Variants in AFG2B observed in about 807,000 individuals in gnomAD.
AFG2B encodes the protein ATPase family gene 2 protein homolog B.
chr15:45,405,172 C>A, the AFG2B span: 2 of 664,754 alleles, frequency 3.0e-6, no homozygotes, highest in South Asian at 2.3e-5. Flanking sequence ...CATGAGCCAA[C>A]CTGTCTTCAT....
the AFG2B span, among the ~76,000 whole-genome samples, chr15:45,409,717 T>A: frequency 3.8e-4 from 57 of 151,886 alleles, no homozygotes; most frequent in African/African-American, 3.4e-4. Flanking sequence ...ATATATATAT[T>A]TTTTTAATTA....
chr15:45,414,119 G>C, the AFG2B span, among the ~76,000 whole-genome samples: 1 of 152,184 alleles, frequency 6.6e-6, no homozygotes, highest in Non-Finnish European at 1.5e-5. Context: ...CATAGAGAGT[G>C]AGTAGGAGGA....
At chr15:45,420,008 A>G in the AFG2B span, among the ~76,000 whole-genome samples, 20 of 149,658 alleles carry the variant, frequency 1.3e-4, no homozygotes, top group African/African-American at 4.9e-4. Flanking sequence ...AAAAAAAAAA[A>G]AAAAAACAAA....
At chr15:45,405,234 A>G in the AFG2B span, 1 of 1,312,570 alleles carries the variant, frequency 7.6e-7, no homozygotes, top group Non-Finnish European at 1.0e-6. Flanking sequence ...TCTGCTGTCT[A>G]CCTCCATCCA....
the AFG2B span, chr15:45,402,730 C>T: frequency 1.9e-6 from 3 of 1,565,402 alleles, no homozygotes; most frequent in Non-Finnish European, 8.6e-7. Context: ...TCGCCTCCTC[C>T]TAGTGCCCTG....
At chr15:45,402,879 G>T in the AFG2B span, 7 of 1,598,452 alleles carry the variant, frequency 4.4e-6, no homozygotes, top group Admixed American at 1.2e-4. Context: ...GCCACGTGGT[G>T]GTCGCTCCGC....
the AFG2B span, chr15:45,403,640 T>A: frequency 8.0e-7 from 1 of 1,254,226 alleles, no homozygotes; most frequent in African/African-American, 1.6e-5. Context: ...GAGTTGGGGC[T>A]CTTTGCAATG....
the AFG2B span, chr15:45,403,294 G>A: frequency 1.3e-6 from 2 of 1,589,232 alleles, no homozygotes; most frequent in Admixed American, 3.5e-5. Context: ...CTTCCAGCGC[G>A]CCCGGGAACT....
the AFG2B span, chr15:45,415,855 T>C: frequency 7.6e-7 from 1 of 1,318,864 alleles, no homozygotes; most frequent in Non-Finnish European, 1.1e-6. Context: ...CAACATTAAA[T>C]ATAATGCATA....
the AFG2B span, chr15:45,403,178 T>C: frequency 1.4e-6 from 2 of 1,458,272 alleles, no homozygotes; most frequent in South Asian, 2.8e-5. Flanking sequence ...AAGACCCAGC[T>C]GGTGCGGGCC....
At chr15:45,406,079 G>A in the AFG2B span, among the ~76,000 whole-genome samples, 2 of 152,158 alleles carry the variant, frequency 1.3e-5, no homozygotes, top group Non-Finnish European at 2.9e-5. Context: ...TGATGATCAA[G>A]CTGAGAAAAT....
At chr15:45,414,975 G>A in the AFG2B span, among the ~76,000 whole-genome samples, 1 of 151,942 alleles carries the variant, frequency 6.6e-6, no homozygotes. Flanking sequence ...TAACATTTTG[G>A]TGAATTTCCT....
chr15:45,405,681 G>T, the AFG2B span, among the ~76,000 whole-genome samples: 1 of 152,160 alleles, frequency 6.6e-6, no homozygotes, highest in Non-Finnish European at 1.5e-5. Flanking sequence ...TGAGGGTGGG[G>T]ATAAAGGGCT....
chr15:45,403,047 G>C, the AFG2B span: 1 of 1,557,954 alleles, frequency 6.4e-7, no homozygotes, highest in South Asian at 1.2e-5. Context: ...GAGGTCTTTC[G>C]GAGGCGGCCG....
chr15:45,412,884 C>T, the AFG2B span, among the ~76,000 whole-genome samples: 3 of 152,062 alleles, frequency 2.0e-5, no homozygotes, highest in East Asian at 1.9e-4. Flanking sequence ...TTTGCCAATT[C>T]GCCTACATGT....
the AFG2B span, among the ~76,000 whole-genome samples, chr15:45,404,960 A>G: frequency 2.0e-5 from 3 of 152,176 alleles, no homozygotes; most frequent in Non-Finnish European, 2.9e-5. Context: ...GTACATGCAT[A>G]CAATTTGTAA....
chr15:45,409,138 G>A, the AFG2B span, among the ~76,000 whole-genome samples: 1 of 152,198 alleles, frequency 6.6e-6, no homozygotes, highest in Non-Finnish European at 1.5e-5. Context: ...CACTTTGGGA[G>A]GCTGAGATGG....
At chr15:45,403,616 C>T in the AFG2B span, 2 of 1,496,718 alleles carry the variant, frequency 1.3e-6, no homozygotes, top group African/African-American at 1.5e-5. Context: ...TAGGTTTGAG[C>T]ATCGGTGAGG....
the AFG2B span, chr15:45,407,022 T>A: frequency 3.9e-6 from 5 of 1,289,204 alleles, no homozygotes; most frequent in Non-Finnish European, 5.1e-6. Context: ...TTTCCTCTGC[T>A]TTGAAGTTCC....
Sources: allele counts gnomAD v4.1 joint callset (sites outside exome capture counted in the v4.1 genomes callset), GRCh38; gene constraint gnomAD v4.1.1; transcripts MANE v1.5; gene names NCBI Gene and HGNC (gene_info 2026-07-23, HGNC 2026-07-21).